Variants in TBC1D22A observed in about 807,000 individuals in gnomAD.
TBC1D22A encodes putative GTPase activator.
TBC1D22A carries 38 observed loss-of-function variants against 60.2 expected under a neutral mutation model. The ratio of observed to expected loss-of-function variants is 0.63; its 90% CI spans 0.49 to 0.83. TBC1D22A has a LOEUF of 0.83. Ranked by LOEUF, TBC1D22A falls within the 40% of genes least tolerant of loss-of-function variation. The pLI is 0.00. For synonymous variants in TBC1D22A, 302 were observed against 281.7 expected (o/e 1.07, Z -0.72); for missense variants, 628 against 701.0 (o/e 0.90, Z 1.18).
At chr22:46,942,822 T>C (rs1010349771) in intron 8 of TBC1D22A, among the ~76,000 whole-genome samples, 11 of 152,224 alleles carry the variant, frequency 7.2e-5, no homozygotes, top group African/African-American at 1.7e-4. Flanking sequence ...TAATTACTTA[T>C]GAAACTTTTC....
At chr22:47,090,570 G>A (rs2064880949) in intron 11 of TBC1D22A, among the ~76,000 whole-genome samples, 1 of 152,236 alleles carries the variant, frequency 6.6e-6, no homozygotes, top group South Asian at 2.1e-4. Flanking sequence ...GCTCTCCTGG[G>A]GGTGTCCGGT....
intron 11 of TBC1D22A, among the ~76,000 whole-genome samples, chr22:47,087,620 C>G (rs1031618962): frequency 1.4e-4 from 21 of 152,090 alleles, no homozygotes; most frequent in African/African-American, 4.6e-4. Context: ...ACTTATATAC[C>G]TACTTACTGA....
In TBC1D22A at chr22:46,807,349, C is replaced by A. The variant is rs981604926; in HGVS notation, c.637+9729C>A. Among the ~76,000 whole-genome samples the A allele has an allele frequency of 5.3e-5, 8 of 152,034 alleles. No homozygotes were observed. The East Asian group carries it at 1.2e-3, about 22-fold the overall frequency. The stretch of plus-strand genomic sequence containing the variant: ...TGGGAATGATAGTGATACCAACTCT[C>A]CTGCTTGTCGGTGTTGTGGACCCTG... On this transcript the variant is annotated intron_variant, in intron 4 of 12. Transcript: ENST00000337137.
At position 46,835,496 on chromosome 22, in the gene TBC1D22A, G is replaced by A. The variant is rs561262562; in HGVS notation, c.637+37876G>A. Among the ~76,000 whole-genome samples the A allele has an allele frequency of 6.6e-5, 10 of 152,262 alleles. No homozygotes were observed. In the South Asian group the frequency reaches 8.3e-4, roughly 13 times the overall value. The stretch of plus-strand genomic sequence containing the variant: ...CTTTAACAACAGACTCTAACAAGCC[G>A]AAGAATCAGTAGGCTCAAAGACAGG... On this transcript the variant is annotated intron_variant, in intron 4 of 12. Transcript: ENST00000337137.
At chr22:46,792,878 C>G in intron 2 of TBC1D22A, 2 of 1,428,874 alleles carry the variant, frequency 1.4e-6, no homozygotes, top group African/African-American at 1.4e-5. Context: ...GCCATCCATG[C>G]TGGCTTGTCC....
At chr22:46,958,692 C>T (rs961768623) in intron 8 of TBC1D22A, among the ~76,000 whole-genome samples, 25 of 152,232 alleles carry the variant, frequency 1.6e-4, no homozygotes, top group African/African-American at 6.0e-4. Context: ...GCTGCTGGAA[C>T]AGTTTTCTGT....
At chr22:47,135,971 G>A (rs2066855104) in intron 12 of TBC1D22A, among the ~76,000 whole-genome samples, 1 of 152,240 alleles carries the variant, frequency 6.6e-6, no homozygotes, top group African/African-American at 2.4e-5. Context: ...GAGTAGATGG[G>A]CCAGGGACAC....
intron 8 of TBC1D22A, among the ~76,000 whole-genome samples, chr22:46,947,582 G>A (rs1228812422): frequency 2.0e-5 from 3 of 152,206 alleles, no homozygotes; most frequent in African/African-American, 7.2e-5. Flanking sequence ...CCTCGTGGAA[G>A]CCATGGGCTG....
intron 11 of TBC1D22A, among the ~76,000 whole-genome samples, chr22:47,054,379 C>T (rs534835208): frequency 2.6e-5 from 4 of 152,244 alleles, no homozygotes; most frequent in East Asian, 1.9e-4. Context: ...AGGCACCACT[C>T]GAGGTGAGGG....
intron 11 of TBC1D22A, among the ~76,000 whole-genome samples, chr22:47,043,828 G>A (rs1281333681): frequency 6.6e-6 from 1 of 150,736 alleles, no homozygotes. Flanking sequence ...GCAGTTGAGT[G>A]TGGCTGCACC....
At chr22:46,865,102 T>A (rs150148122) in intron 4 of TBC1D22A, among the ~76,000 whole-genome samples, 2 of 152,194 alleles carry the variant, frequency 1.3e-5, no homozygotes, top group African/African-American at 4.8e-5. Flanking sequence ...CCAACCTCCA[T>A]TGGCTCCTCA....
At chr22:46,854,619 A>G (rs897418512) in intron 4 of TBC1D22A, among the ~76,000 whole-genome samples, 1 of 150,772 alleles carries the variant, frequency 6.6e-6, no homozygotes, top group African/African-American at 2.5e-5. Flanking sequence ...GGTCTGCCCT[A>G]GATCAGACCT....
At chr22:47,138,238 C>G (rs1177682773) in intron 12 of TBC1D22A, among the ~76,000 whole-genome samples, 1 of 152,220 alleles carries the variant, frequency 6.6e-6, no homozygotes, top group Non-Finnish European at 1.5e-5. Context: ...CATCTGTGCC[C>G]CAGCCTCTTT....
intron 12 of TBC1D22A, among the ~76,000 whole-genome samples, chr22:47,165,251 G>A (rs2068156132): frequency 6.6e-6 from 1 of 152,126 alleles, no homozygotes. Flanking sequence ...TCTCGCTCCA[G>A]GGGGTGCGCG....
At chr22:47,027,861 C>A (rs543755613) in intron 10 of TBC1D22A, among the ~76,000 whole-genome samples, 13 of 152,208 alleles carry the variant, frequency 8.5e-5, no homozygotes, top group African/African-American at 2.7e-4. Flanking sequence ...TAGGGCCAGG[C>A]CTGCCTTCTG....
chr22:46,774,389 T>C (rs2083612375), intron 1 of TBC1D22A, among the ~76,000 whole-genome samples: 1 of 152,266 alleles, frequency 6.6e-6, no homozygotes, highest in African/African-American at 2.4e-5. Context: ...CCCAGACTTT[T>C]TGTTCCCCCT....
At chr22:46,975,266 G>A (rs1051476923) in intron 9 of TBC1D22A, among the ~76,000 whole-genome samples, 1 of 152,186 alleles carries the variant, frequency 6.6e-6, no homozygotes, top group Non-Finnish European at 1.5e-5. Context: ...CACTCGGGGT[G>A]GAGGGTAGAC....
At chr22:47,089,459 A>G (rs542355232) in intron 11 of TBC1D22A, among the ~76,000 whole-genome samples, 1 of 152,354 alleles carries the variant, frequency 6.6e-6, no homozygotes, top group South Asian at 2.1e-4. Flanking sequence ...GAATTCTTGA[A>G]AAGTCTTATT....
intron 1 of TBC1D22A, among the ~76,000 whole-genome samples, chr22:46,772,912 G>A (rs981629720): frequency 1.2e-4 from 18 of 152,176 alleles, no homozygotes; most frequent in Admixed American, 2.0e-4. Context: ...GCAGGCATGA[G>A]CCACTGCATG....
Sources: allele counts gnomAD v4.1 joint callset (sites outside exome capture counted in the v4.1 genomes callset), GRCh38; gene constraint gnomAD v4.1.1; transcripts MANE v1.5; gene names NCBI Gene and HGNC (gene_info 2026-07-23, HGNC 2026-07-21).